Variants in PBLD observed in about 807,000 individuals in gnomAD.
PBLD encodes the protein phenazine biosynthesis-like domain-containing protein.
PBLD carries 26 observed loss-of-function variants against 31.3 expected under a neutral mutation model. That is an observed-to-expected ratio of 0.83 (90% CI 0.61 to 1.15). The LOEUF (loss-of-function observed/expected upper bound fraction) is 1.15, where lower values mean the gene tolerates loss of function less well. Ranked by LOEUF, PBLD falls within the 50% of genes most tolerant of loss-of-function variation. PBLD has a pLI of 0.00. For synonymous variants in PBLD, 114 were observed against 129.0 expected (o/e 0.88, Z 0.79); for missense variants, 307 against 351.7 (o/e 0.87, Z 1.02).
At chr10:68,318,983 G>T (rs938823496) in intron 1 of PBLD, among the ~76,000 whole-genome samples, 3 of 150,210 alleles carry the variant, frequency 2.0e-5, no homozygotes, top group Non-Finnish European at 3.0e-5. Context: ...AAGAAGGAAG[G>T]AAGTTAGGAA....
chr10:68,319,049 GAGAGAGAA>G (rs1372582539), intron 1 of PBLD, among the ~76,000 whole-genome samples: 3 of 77,780 alleles, frequency 3.9e-5, no homozygotes, highest in South Asian at 5.5e-4. Context: ...AAGAAAGAAA[GAGAGAGAA>G]AGAAAGAAAG....
At position 68,292,225 on chromosome 10, in the gene PBLD, G is replaced by T. The variant is rs1191346975; in HGVS notation, c.297C>A (p.Ser99Arg). 6.2e-7 allele frequency: 1 copy of T among 1,613,202 alleles called. No homozygotes were observed. The highest frequency in any genetic ancestry group is 1.7e-5 in the Admixed American group (1 of 59,988). The change falls in exon 5 of 10, where the codon AGC (serine) becomes AGA (arginine). Residue 99 changes from serine to arginine, a missense_variant. Physicochemically the swap from Ser to Arg is moderately radical, Grantham distance 110. Coordinates refer to ENST00000358769, the MANE Select transcript of PBLD (RefSeq NM_022129.4). Reference sequence around the variant, plus strand: ...CACTCAGAGTGACAAACGTGAGCGTGCTATTCATGTTTTCTGGCCAAAATA... The same window carrying T: ...CACTCAGAGTGACAAACGTGAGCGTTCTATTCATGTTTTCTGGCCAAAATA... Reference protein sequence around the residue: ...VLFHKIKNMNSTLTFVTLSGE... With the variant: ...VLFHKIKNMNRTLTFVTLSGE...
chr10:68,284,343 A>G, intron 9 of PBLD, 54 bp from the exon 10 acceptor site: 1 of 1,433,132 alleles, frequency 7.0e-7, no homozygotes, highest in South Asian at 1.2e-5. Context: ...TTAAATTAAC[A>G]AAGCATAGTG....
At chr10:68,299,840 A>G (rs7902985) in intron 2 of PBLD, among the ~76,000 whole-genome samples, 119,483 of 151,780 alleles carry the variant, frequency 0.79, 47,672 homozygotes, top group Non-Finnish European at 0.86. Flanking sequence ...GTGACAGAGC[A>G]AGACTCCATC....
intron 4 of PBLD, among the ~76,000 whole-genome samples, chr10:68,293,729 C>T (rs1231126915): frequency 6.6e-6 from 1 of 152,052 alleles, no homozygotes; most frequent in Non-Finnish European, 1.5e-5. Flanking sequence ...CTCAATCTTG[C>T]TTTGGGAGGC....
At chr10:68,305,333 T>A (rs61857270) in intron 2 of PBLD, among the ~76,000 whole-genome samples, 147,812 of 147,814 alleles carry the variant, frequency 1, 73,905 homozygotes, top group Non-Finnish European at 1. Flanking sequence ...GGTTGGACTC[T>A]GGCTCCTGGC....
chr10:68,331,525 A>G (rs748754080), intron 1 of PBLD: 2 of 152,302 alleles, frequency 1.3e-5, no homozygotes, highest in Non-Finnish European at 2.9e-5. Flanking sequence ...CCAGCCCGAG[A>G]GCCGAAATCG....
At chr10:68,325,377 A>G (rs1236327015) in intron 1 of PBLD, among the ~76,000 whole-genome samples, 3 of 152,150 alleles carry the variant, frequency 2.0e-5, no homozygotes, top group Admixed American at 6.5e-5. Flanking sequence ...CAGCCTGGCC[A>G]ACATGGTGAA....
rs945488744 is a variant in PBLD at position 68,292,161 on chromosome 10, G to A, written c.361C>T (p.Leu121=). 3 of 1,614,002 alleles carry A rather than the reference G, an allele frequency of 1.9e-6. No homozygotes were observed. In the South Asian group the frequency reaches 3.3e-5, roughly 18 times the overall value. The change falls in exon 5 of 10, where the codon CTG becomes TTG. Residue 121 remains leucine (L), a synonymous_variant. Transcript: ENST00000358769. ...RARRAEDGIV[L]DLPLYPAHPQ... is the part of the protein sequence containing the mutation. ...TGGGCTGGATAAAGAGGCAAGTCCA[G>A]GACGATGCCATCCTCTGCTCGTCTG... is the stretch of plus-strand genomic sequence containing the variant.
chr10:68,297,056 A>G, intron 2 of PBLD, 71 bp from the exon 3 acceptor site: 1 of 1,171,326 alleles, frequency 8.5e-7, no homozygotes, highest in Non-Finnish European at 1.3e-6. Context: ...AACAACTACC[A>G]TTAACTTAAA....
At chr10:68,293,400 A>G (rs1329777491) in intron 4 of PBLD, among the ~76,000 whole-genome samples, 1 of 152,356 alleles carries the variant, frequency 6.6e-6, no homozygotes, top group Admixed American at 6.5e-5. Flanking sequence ...GCTACTTATC[A>G]GTGTGTATAA....
At chr10:68,303,009 G>C (rs1288220771) in intron 2 of PBLD, among the ~76,000 whole-genome samples, 2 of 151,834 alleles carry the variant, frequency 1.3e-5, no homozygotes, top group Non-Finnish European at 2.9e-5. Flanking sequence ...GTTTCTACAA[G>C]GTCTTTATTG....
chr10:68,303,429 G>C (rs61857266), intron 2 of PBLD, among the ~76,000 whole-genome samples: 151,766 of 151,766 alleles, frequency 1, 75,883 homozygotes, highest in Non-Finnish European at 1. Flanking sequence ...TATGTTTCCA[G>C]GTAGCCGTTA....
At chr10:68,310,551 C>T (rs1293707456) in intron 1 of PBLD, among the ~76,000 whole-genome samples, 2 of 149,536 alleles carry the variant, frequency 1.3e-5, no homozygotes, top group Non-Finnish European at 3.0e-5. Context: ...GAACTTATTC[C>T]TCCTATCTAC....
intron 2 of PBLD, among the ~76,000 whole-genome samples, chr10:68,305,334 GGCTC>G (rs2044562634): frequency 6.8e-6 from 1 of 147,742 alleles, no homozygotes; most frequent in African/African-American, 2.5e-5. Context: ...GTTGGACTCT[GGCTC>G]CTGGCCCCAA....
At position 68,303,375 on chromosome 10, in the gene PBLD, C is replaced by T. The variant is rs551347804; in HGVS notation, c.84+3386G>A. ...TGCTGGGATTACAGGTGTGAACCAC[C>T]GCACCCAGACAATTTTTATTACATT... On this transcript the variant is annotated intron_variant, in intron 2 of 9. Coordinates refer to ENST00000358769, the MANE Select transcript of PBLD (RefSeq NM_022129.4). Among the ~76,000 whole-genome samples the T allele has an allele frequency of 1.3e-4, 19 of 150,674 alleles. No individual in the cohort carries two copies. The South Asian group carries it at 3.0e-3, about 24-fold the overall frequency.
intron 8 of PBLD, among the ~76,000 whole-genome samples, chr10:68,286,444 A>C (rs2044289614): frequency 6.6e-6 from 1 of 151,830 alleles, no homozygotes; most frequent in Non-Finnish European, 1.5e-5. Context: ...CCCAGAGTGC[A>C]TATGCAAAGA....
chr10:68,296,762 G>T, intron 3 of PBLD, 124 bp downstream of exon 3: 1 of 814,458 alleles, frequency 1.2e-6, no homozygotes, highest in East Asian at 2.5e-5. Context: ...CCAGCACTTC[G>T]GGAGGCTGAG....
At chr10:68,316,152 A>G (rs778288110) in intron 1 of PBLD, among the ~76,000 whole-genome samples, 19 of 152,190 alleles carry the variant, frequency 1.2e-4, no homozygotes, top group Non-Finnish European at 2.2e-4. Flanking sequence ...AGGGAGTCCC[A>G]ATGTCGGGCT....
Sources: allele counts gnomAD v4.1 joint callset (sites outside exome capture counted in the v4.1 genomes callset), GRCh38; gene constraint gnomAD v4.1.1; transcripts MANE v1.5; gene names NCBI Gene and HGNC (gene_info 2026-07-23, HGNC 2026-07-21).